The following SSBP2 variants were observed in gnomAD, a reference collection of about 807,000 sequenced individuals.
SSBP2 encodes single stranded DNA binding protein 2.
In SSBP2, 17 loss-of-function variants were observed where a neutral mutation model predicts 61.8. The ratio of observed to expected loss-of-function variants is 0.28; its 90% CI spans 0.19 to 0.41. The LOEUF is 0.41. Ranked by LOEUF, SSBP2 falls within the 10% of genes least tolerant of loss-of-function variation. The pLI, the probability that SSBP2 is intolerant of heterozygous loss-of-function variation, is 1.00. For synonymous variants in SSBP2, 139 were observed against 141.3 expected (o/e 0.98, Z 0.12); for missense variants, 310 against 458.7 (o/e 0.68, Z 2.96).
At chr5:81,512,169 G>A (rs918964543) in intron 5 of SSBP2, among the ~76,000 whole-genome samples, 2 of 152,118 alleles carry the variant, frequency 1.3e-5, no homozygotes, top group Non-Finnish European at 2.9e-5. Context: ...AAAATAAAAT[G>A]AACTGGAAAT....
chr5:81,637,001 G>C (rs993713780), intron 2 of SSBP2, among the ~76,000 whole-genome samples: 2 of 152,212 alleles, frequency 1.3e-5, no homozygotes, highest in African/African-American at 4.8e-5. Flanking sequence ...GAGACTGGAA[G>C]TAAGAAGAGG....
intron 2 of SSBP2, among the ~76,000 whole-genome samples, chr5:81,637,997 G>A (rs529242036): frequency 6.1e-4 from 92 of 150,766 alleles, no homozygotes; most frequent in African/African-American, 1.0e-3. Flanking sequence ...GCAAACTTTC[G>A]CAAGAACAAA....
chr5:81,420,652 T>C lies in SSBP2; in HGVS notation c.1057-119A>G, dbSNP rs1044989817. 5 of 782,608 alleles carry C rather than the reference T, an allele frequency of 6.4e-6. No individual in the cohort carries two copies. The African/African-American group carries it at 8.8e-5, about 14-fold the overall frequency. The allele number at this position is 782,608 out of a possible 1,614,324, so 48.5% of individuals were successfully genotyped here. On this transcript the variant is annotated intron_variant, in intron 16 of 16. Coordinates refer to ENST00000320672, the MANE Select transcript of SSBP2 (RefSeq NM_012446.5). ...CTTATCATCTTTTATGTGCAAGCTT[T>C]TCATCTCATACAACATAAAATAAGA...
chr5:81,702,240 G>A (rs1326881625), intron 1 of SSBP2, among the ~76,000 whole-genome samples: 5 of 151,998 alleles, frequency 3.3e-5, no homozygotes, highest in African/African-American at 4.8e-5. Context: ...GCGTGGTGGC[G>A]CACACCTGTA....
intron 5 of SSBP2, among the ~76,000 whole-genome samples, chr5:81,503,968 T>C (rs1161258335): frequency 1.3e-5 from 2 of 151,940 alleles, no homozygotes; most frequent in African/African-American, 4.8e-5. Context: ...GAAGAACAGA[T>C]ACTGGGGCCT....
chr5:81,575,319 A>T (rs1286644170), intron 4 of SSBP2, among the ~76,000 whole-genome samples: 1 of 152,224 alleles, frequency 6.6e-6, no homozygotes, highest in African/African-American at 2.4e-5. Flanking sequence ...TTCTGTAAAA[A>T]TAGTGATAAT....
intron 1 of SSBP2, among the ~76,000 whole-genome samples, chr5:81,655,086 G>C (rs1023071807): frequency 6.6e-6 from 1 of 152,056 alleles, no homozygotes; most frequent in African/African-American, 2.4e-5. Context: ...GGAGTTCAAG[G>C]CTGCAGTGAG....
upstream of SSBP2, chr5:81,751,355 C>A (rs543164457): frequency 9.5e-5 from 48 of 503,960 alleles, no homozygotes; most frequent in Non-Finnish European, 1.3e-4. Flanking sequence ...CCCCCTCCCC[C>A]CTCCGAACCC....
chr5:81,593,438 C>T (rs1477572353), intron 4 of SSBP2, among the ~76,000 whole-genome samples: 2 of 152,156 alleles, frequency 1.3e-5, no homozygotes, highest in Non-Finnish European at 2.9e-5. Flanking sequence ...TCCAGGAAAA[C>T]TTCCCCAATC....
intron 4 of SSBP2, among the ~76,000 whole-genome samples, chr5:81,558,958 T>G (rs1025235570): frequency 1.3e-5 from 2 of 152,196 alleles, no homozygotes; most frequent in Non-Finnish European, 2.9e-5. Context: ...AAAGATGTTT[T>G]TAAAAATTAT....
intron 4 of SSBP2, among the ~76,000 whole-genome samples, chr5:81,596,061 G>C (rs1325003653): frequency 2.6e-5 from 4 of 152,176 alleles, no homozygotes; most frequent in Admixed American, 1.3e-4. Context: ...CCTGTTTGCA[G>C]ACGACATGAT....
rs1561443006 is a variant in SSBP2 at position 81,474,161 on chromosome 5, CT to C, written c.499+334del. On this transcript the variant is annotated intron_variant, in intron 7 of 16. Coordinates refer to ENST00000320672, the MANE Select transcript of SSBP2 (RefSeq NM_012446.5). ...TCCCTCTGCTCATCTTTCAGATGGG[CT>C]AAGGCCTCTATCTGAAAAAGGCAAA... 2.3e-3 allele frequency among the ~76,000 whole-genome samples: 344 copies of C among 152,252 alleles called. 1 individual carries two copies. Among genetic ancestry groups the C allele is most frequent in the African/African-American group, 8.0e-3 (332 of 41,554 alleles).
chr5:81,557,711 T>C lies in SSBP2; in HGVS notation c.283-43994A>G, dbSNP rs545187475. 4.6e-5 allele frequency among the ~76,000 whole-genome samples: 7 copies of C among 152,352 alleles called. No individual in the cohort carries two copies. In the South Asian group the frequency reaches 1.0e-3, roughly 23 times the overall value. On this transcript the variant is annotated intron_variant, in intron 4 of 16. Transcript: ENST00000320672. The stretch of plus-strand genomic sequence containing the variant: ...GTTCTTTCTTGATATTCCATATTTC[T>C]ACCTAACATGTTTCATTATCCTCTA...
intron 4 of SSBP2, among the ~76,000 whole-genome samples, chr5:81,575,127 G>C (rs4334855): frequency 0.35 from 53,466 of 151,962 alleles, 12,443 homozygotes; most frequent in African/African-American, 0.67. Context: ...AATTAGCTGG[G>C]CGTGGTGGTG....
intron 10 of SSBP2, among the ~76,000 whole-genome samples, chr5:81,450,909 G>A (rs765705649): frequency 2.6e-5 from 4 of 152,092 alleles, no homozygotes; most frequent in Admixed American, 1.3e-4. Flanking sequence ...CACAAAACAC[G>A]GTTGACAAGA....
rs1002849428 is a variant in SSBP2 at position 81,415,436 on chromosome 5, A to G, written c.*5068T>C. 6.6e-6 allele frequency: 1 copy of G among 152,182 alleles called. No individual in the cohort carries two copies. Among genetic ancestry groups the G allele is most frequent in the African/African-American group, 2.4e-5 (1 of 41,438 alleles). The allele number at this position is 152,182 out of a possible 1,614,324, so 9.4% of individuals were successfully genotyped here. A position where few individuals can be genotyped will look rare whatever the true frequency, so the allele number is the denominator to read the frequency against. On this transcript the variant is annotated 3_prime_UTR_variant, in exon 17 of 17. Transcript: ENST00000320672. The stretch of plus-strand genomic sequence containing the variant: ...CTCGTTTACTTATAATACCTAATAC[A>G]ATGTATTATAAATGCCATGGAAATC...
At chr5:81,654,781 T>C (rs1173322223) in intron 1 of SSBP2, among the ~76,000 whole-genome samples, 1 of 152,120 alleles carries the variant, frequency 6.6e-6, no homozygotes, top group Non-Finnish European at 1.5e-5. Flanking sequence ...TGTCCATCCA[T>C]GCAGGTAAAT....
chr5:81,462,891 C>A (rs1464554735), intron 9 of SSBP2, among the ~76,000 whole-genome samples: 2 of 151,958 alleles, frequency 1.3e-5, no homozygotes, highest in Non-Finnish European at 2.9e-5. Context: ...TTTGAAATAT[C>A]ATAACCAAAC....
At chr5:81,429,241 A>G (rs1020127780) in intron 15 of SSBP2, among the ~76,000 whole-genome samples, 3 of 152,234 alleles carry the variant, frequency 2.0e-5, no homozygotes, top group Non-Finnish European at 2.9e-5. Context: ...GGACTTGAGA[A>G]TTTATTATGT....
Sources: gnomAD v4.1 joint callset for allele counts (sites outside exome capture counted in the v4.1 genomes callset) on GRCh38, gnomAD v4.1.1 for gene constraint, MANE v1.5 for transcripts, NCBI Gene and HGNC (gene_info 2026-07-23, HGNC 2026-07-21) for gene names.